The following PLB1 variants were observed in gnomAD, a reference collection of about 807,000 sequenced individuals.
The protein encoded by PLB1 is phospholipase B1, membrane-associated.
In PLB1, 242 loss-of-function variants were observed where a neutral mutation model predicts 227.4. The ratio of observed to expected loss-of-function variants is 1.06; its 90% CI spans 0.96 to 1.18. PLB1 has a LOEUF of 1.18. Among genes scored for constraint, PLB1 ranks in the 50% most tolerant of loss-of-function variants. The pLI is 0.00. For missense variants in PLB1, 1,858 were observed against 1,816.3 expected, an observed-to-expected ratio of 1.02 and a Z score of -0.42; for synonymous variants, 757 against 682.2, an observed-to-expected ratio of 1.11 and a Z score of -1.71.
intron 1 of PLB1, among the ~76,000 whole-genome samples, chr2:28,512,636 A>G (rs993155310): frequency 3.3e-5 from 5 of 150,948 alleles, no homozygotes; most frequent in African/African-American, 1.2e-4. Flanking sequence ...CTGTCTCTCT[A>G]ATTGTGTGCA....
At chr2:28,500,819 T>C (rs1396272031) in intron 1 of PLB1, among the ~76,000 whole-genome samples, 5 of 152,210 alleles carry the variant, frequency 3.3e-5, no homozygotes, top group Non-Finnish European at 5.9e-5. Flanking sequence ...AATCCAGGCC[T>C]GTTATTTTTC....
At chr2:28,642,065 C>A (rs532200096) in intron 57 of PLB1, among the ~76,000 whole-genome samples, 2 of 152,274 alleles carry the variant, frequency 1.3e-5, no homozygotes, top group Middle Eastern at 3.4e-3. Context: ...TGAGAACATC[C>A]GCCTCCCTCC....
intron 14 of PLB1, chr2:28,548,645 T>C: frequency 1.6e-6 from 1 of 630,732 alleles, no homozygotes; most frequent in Admixed American, 2.3e-5. Context: ...AACTCGGGTG[T>C]GCATCAGAAT....
At chr2:28,579,937 C>T (rs1390654970) in intron 23 of PLB1, among the ~76,000 whole-genome samples, 1 of 152,208 alleles carries the variant, frequency 6.6e-6, no homozygotes, top group African/African-American at 2.4e-5. Context: ...AGTTTCCTAT[C>T]AAGGGAGCTT....
chr2:28,623,549 C>G (rs955585880), intron 49 of PLB1, among the ~76,000 whole-genome samples: 1 of 152,096 alleles, frequency 6.6e-6, no homozygotes, highest in Admixed American at 6.5e-5. Flanking sequence ...GTATGGGATA[C>G]AATCCTAGAT....
chr2:28,550,391 G>T (rs1391660472), intron 16 of PLB1, among the ~76,000 whole-genome samples: 5 of 152,028 alleles, frequency 3.3e-5, no homozygotes, highest in Middle Eastern at 6.8e-3. Context: ...AGCCAGGCTG[G>T]TCTTGAAATC....
chr2:28,588,655 G>A (rs1323061322), intron 26 of PLB1, among the ~76,000 whole-genome samples: 1 of 152,168 alleles, frequency 6.6e-6, no homozygotes, highest in African/African-American at 2.4e-5. Flanking sequence ...GATTTTCCTA[G>A]CAGTGACCCC....
chr2:28,564,423 G>T (rs2148240636), intron 18 of PLB1, among the ~76,000 whole-genome samples: 1 of 152,268 alleles, frequency 6.6e-6, no homozygotes, highest in East Asian at 1.9e-4. Flanking sequence ...AGACCTGACT[G>T]CTCATAACCT....
chr2:28,574,338 C>CG (rs1553435016), intron 21 of PLB1, among the ~76,000 whole-genome samples: 2 of 111,646 alleles, frequency 1.8e-5, no homozygotes, highest in South Asian at 6.8e-4. Flanking sequence ...AATCCCTCAC[C>CG]CCCCCCACCC....
At chr2:28,589,862 G>A in intron 28 of PLB1, 92 bp downstream of exon 28, 1 of 1,394,318 alleles carries the variant, frequency 7.2e-7, no homozygotes, top group Non-Finnish European at 1.0e-6. Context: ...CATCGTGCAG[G>A]CCATGTGATT....
chr2:28,562,346 A>G (rs1316770792), intron 17 of PLB1, among the ~76,000 whole-genome samples: 1 of 152,042 alleles, frequency 6.6e-6, no homozygotes, highest in Non-Finnish European at 1.5e-5. Flanking sequence ...GATCGAGACC[A>G]TCCTGGCCAA....
intron 19 of PLB1, 56 bp downstream of exon 19, chr2:28,565,409 C>T: frequency 1.4e-6 from 2 of 1,480,686 alleles, no homozygotes; most frequent in Non-Finnish European, 1.9e-6. Flanking sequence ...GCAAGGGAAG[C>T]CCCCTGAGTG....
chr2:28,628,653 G>A, intron 52 of PLB1, 25 bp downstream of exon 52: 6 of 1,611,906 alleles, frequency 3.7e-6, no homozygotes, highest in Non-Finnish European at 5.1e-6. Context: ...ACGTGTTCCT[G>A]GGTCCCGCCA....
chr2:28,499,715 A>C (rs565771083), intron 1 of PLB1, among the ~76,000 whole-genome samples: 9 of 152,166 alleles, frequency 5.9e-5, no homozygotes, highest in Admixed American at 3.3e-4. Flanking sequence ...GTGAAACCCT[A>C]TCTCTACAAA....
chr2:28,542,561 T>C (rs1672661638), intron 13 of PLB1, among the ~76,000 whole-genome samples: 1 of 152,152 alleles, frequency 6.6e-6, no homozygotes, highest in Admixed American at 6.5e-5. Context: ...TCGCACCTCT[T>C]GGCCATTGTG....
chr2:28,593,801 A>G (rs1190340876), intron 33 of PLB1, 47 bp downstream of exon 33: 7 of 1,511,584 alleles, frequency 4.6e-6, no homozygotes, highest in Admixed American at 3.4e-5. Context: ...CACAACAGAG[A>G]TTAGGTGTGG....
At chr2:28,528,901 C>T (rs953810519) in intron 6 of PLB1, among the ~76,000 whole-genome samples, 1 of 145,106 alleles carries the variant, frequency 6.9e-6, no homozygotes, top group South Asian at 2.3e-4. Flanking sequence ...GGAATAGGGG[C>T]GGCGACCCCG....
At chr2:28,569,660 A>C (rs7574675) in intron 20 of PLB1, among the ~76,000 whole-genome samples, 95,019 of 152,032 alleles carry the variant, frequency 0.62, 32,148 homozygotes, top group Non-Finnish European at 0.78. Flanking sequence ...CTGAAATTGA[A>C]TCCATAAAAA....
At chr2:28,511,049 G>A (rs1313580385) in intron 1 of PLB1, among the ~76,000 whole-genome samples, 4 of 152,102 alleles carry the variant, frequency 2.6e-5, no homozygotes, top group Non-Finnish European at 4.4e-5. Flanking sequence ...GGTGTTTAAA[G>A]TGATAACATG....
Sources: gnomAD v4.1 joint callset for allele counts (sites outside exome capture counted in the v4.1 genomes callset) on GRCh38, gnomAD v4.1.1 for gene constraint, MANE v1.5 for transcripts, NCBI Gene and HGNC (gene_info 2026-07-23, HGNC 2026-07-21) for gene names.